RAD51B: variants seen among roughly 807,000 people sequenced by gnomAD.
RAD51B encodes the protein RAD51 paralog B, also known as DNA repair protein RAD51 homolog 2.
A neutral mutation model predicts 42.2 loss-of-function variants in RAD51B; 38 were observed. The ratio of observed to expected loss-of-function variants is 0.90; its 90% CI spans 0.70 to 1.18. RAD51B has a LOEUF of 1.18. Among genes scored for constraint, RAD51B ranks in the 50% most tolerant of loss-of-function variants. RAD51B has a pLI of 0.00. For missense variants in RAD51B, 373 were observed against 400.7 expected (o/e 0.93, Z 0.59); for synonymous variants, 154 against 145.2 (o/e 1.06, Z -0.43).
intron 7 of RAD51B, among the ~76,000 whole-genome samples, chr14:68,012,424 A>C (rs1194878896): frequency 6.9e-6 from 1 of 145,682 alleles, no homozygotes; most frequent in Non-Finnish European, 1.5e-5. Context: ...AACATAAAAC[A>C]AAGAATTTTA....
At chr14:68,575,307 G>C (rs993534819) in intron 10 of RAD51B, among the ~76,000 whole-genome samples, 5 of 152,196 alleles carry the variant, frequency 3.3e-5, no homozygotes, top group African/African-American at 9.7e-5. Context: ...GCTTCTAAAT[G>C]GTAGGGCCAG....
chr14:67,961,028 G>A (rs912100833), intron 7 of RAD51B, among the ~76,000 whole-genome samples: 1 of 151,950 alleles, frequency 6.6e-6, no homozygotes, highest in African/African-American at 2.4e-5. Flanking sequence ...ATTTATTCAA[G>A]ACAGGGCCTC....
chr14:68,198,637 G>T (rs1339539420), intron 7 of RAD51B, among the ~76,000 whole-genome samples: 1 of 152,122 alleles, frequency 6.6e-6, no homozygotes, highest in Non-Finnish European at 1.5e-5. Flanking sequence ...GGTTCTCAGT[G>T]CAGAGGATTG....
chr14:67,839,355 A>G (rs1489129334), intron 4 of RAD51B, among the ~76,000 whole-genome samples: 1 of 152,086 alleles, frequency 6.6e-6, no homozygotes, highest in Admixed American at 6.5e-5. Flanking sequence ...CAATTCCTTT[A>G]ATGATTATAG....
intron 7 of RAD51B, among the ~76,000 whole-genome samples, chr14:68,061,807 A>C (rs570960924): frequency 1.3e-5 from 2 of 152,122 alleles, no homozygotes; most frequent in African/African-American, 2.4e-5. Flanking sequence ...TGGAGTATTT[A>C]GGTTTTTCTA....
intron 7 of RAD51B, among the ~76,000 whole-genome samples, chr14:67,986,349 A>G (rs1595209546): frequency 6.6e-6 from 1 of 152,236 alleles, no homozygotes; most frequent in Non-Finnish European, 1.5e-5. Context: ...AGAGAATACC[A>G]TGGTAACAAT....
chr14:68,041,600 C>T (rs1370045333), intron 7 of RAD51B, among the ~76,000 whole-genome samples: 2 of 151,904 alleles, frequency 1.3e-5, no homozygotes, highest in East Asian at 3.9e-4. Flanking sequence ...TCCCCAGCAG[C>T]CACAGGTCAA....
chr14:67,926,709 G>A (rs941502545), intron 7 of RAD51B, among the ~76,000 whole-genome samples: 6 of 151,858 alleles, frequency 4.0e-5, no homozygotes, highest in East Asian at 1.9e-4. Context: ...GACAACAGGC[G>A]TGCGCCACCA....
intron 7 of RAD51B, among the ~76,000 whole-genome samples, chr14:67,921,616 C>A (rs958151681): frequency 3.4e-5 from 5 of 144,978 alleles, no homozygotes; most frequent in African/African-American, 1.0e-4. Flanking sequence ...CACACACACA[C>A]ACACACATTT....
chr14:67,883,470 G>A (rs900895681), intron 5 of RAD51B, among the ~76,000 whole-genome samples: 18 of 152,034 alleles, frequency 1.2e-4, no homozygotes, highest in African/African-American at 4.3e-4. Context: ...AGACACACCA[G>A]GCATCTTTCC....
intron 10 of RAD51B, among the ~76,000 whole-genome samples, chr14:68,576,659 C>A (rs376059523): frequency 6.6e-6 from 1 of 152,152 alleles, no homozygotes; most frequent in Non-Finnish European, 1.5e-5. Context: ...GGGTATGAGT[C>A]ATCTTTGCCT....
chr14:68,421,129 T>C (rs1594810972), intron 9 of RAD51B, among the ~76,000 whole-genome samples: 1 of 152,220 alleles, frequency 6.6e-6, no homozygotes, highest in South Asian at 2.1e-4. Flanking sequence ...TCTTGCTTTT[T>C]TTCTCTTGCT....
At chr14:68,358,766 C>T (rs1477614475) in intron 8 of RAD51B, among the ~76,000 whole-genome samples, 1 of 152,056 alleles carries the variant, frequency 6.6e-6, no homozygotes, top group Non-Finnish European at 1.5e-5. Context: ...ATTCTTCAGT[C>T]AGATCGTGTG....
chr14:68,581,806 A>T (rs1428729976), intron 10 of RAD51B, among the ~76,000 whole-genome samples: 2 of 152,238 alleles, frequency 1.3e-5, no homozygotes, highest in Non-Finnish European at 2.9e-5. Flanking sequence ...GTACCAAAAC[A>T]GATACATAGA....
chr14:68,378,147 G>A (rs769993077), intron 8 of RAD51B, among the ~76,000 whole-genome samples: 18 of 152,208 alleles, frequency 1.2e-4, no homozygotes, highest in Non-Finnish European at 1.9e-4. Flanking sequence ...CTAGCGGTAG[G>A]ATAAAACATT....
chr14:68,281,056 CA>C (rs35634909), intron 7 of RAD51B, among the ~76,000 whole-genome samples: 2 of 127,554 alleles, frequency 1.6e-5, no homozygotes, highest in Non-Finnish European at 1.7e-5. Flanking sequence ...GAGCCTGTCT[CA>C]AAAAAAAATG....
chr14:68,273,063 G>C (rs1041822649), intron 7 of RAD51B, among the ~76,000 whole-genome samples: 1 of 152,054 alleles, frequency 6.6e-6, no homozygotes, highest in Non-Finnish European at 1.5e-5. Flanking sequence ...AGCAACTGTT[G>C]AAGAATATCT....
At chr14:68,541,601 A>AT (rs1887971023) in intron 10 of RAD51B, 1 of 985,320 alleles carries the variant, frequency 1.0e-6, no homozygotes, top group Non-Finnish European at 1.2e-6. Context: ...CATCCCTGAA[A>AT]TTTGCCCATG....
intron 8 of RAD51B, among the ~76,000 whole-genome samples, chr14:68,304,489 A>G (rs1257107750): frequency 6.6e-6 from 1 of 152,248 alleles, no homozygotes; most frequent in African/African-American, 2.4e-5. Flanking sequence ...TACCTCAGCT[A>G]GAGCTTATGA....
Sources: allele counts gnomAD v4.1 joint callset (sites outside exome capture counted in the v4.1 genomes callset), GRCh38; gene constraint gnomAD v4.1.1; transcripts MANE v1.5; gene names NCBI Gene and HGNC (gene_info 2026-07-23, HGNC 2026-07-21).